Variants in IGSF5 observed in about 807,000 individuals in gnomAD.
The protein encoded by IGSF5 is immunoglobulin superfamily 5 like.
IGSF5 carries 41 observed loss-of-function variants against 39.4 expected under a neutral mutation model. The ratio of observed to expected loss-of-function variants is 1.04; its 90% CI spans 0.81 to 1.35. The LOEUF is 1.35. Among genes scored for constraint, IGSF5 ranks in the 40% most tolerant of loss-of-function variants. The probability of loss-of-function intolerance (pLI) is 0.00; values close to 1 mark genes in which losing one functional copy is unlikely to be tolerated. For missense variants in IGSF5, 487 were observed against 494.6 expected (o/e 0.98, Z 0.15); for synonymous variants, 183 against 175.3 (o/e 1.04, Z -0.34).
At chr21:39,758,253 T>C (rs1009087522) in intron 2 of IGSF5, among the ~76,000 whole-genome samples, 3 of 152,132 alleles carry the variant, frequency 2.0e-5, no homozygotes, top group African/African-American at 7.2e-5. Context: ...CTCTTCCCAC[T>C]GCATCCCTTC....
chr21:39,726,444 C>A, the IGSF5 span, among the ~76,000 whole-genome samples: 1 of 152,094 alleles, frequency 6.6e-6, no homozygotes, highest in South Asian at 2.1e-4. Context: ...ATGTCGGGGT[C>A]CACCAGGGCC....
intron 2 of IGSF5, among the ~76,000 whole-genome samples, chr21:39,762,471 G>C (rs980587441): frequency 2.0e-5 from 3 of 152,178 alleles, no homozygotes; most frequent in Admixed American, 2.0e-4. Context: ...TCTGGGTTAA[G>C]ATAAGGGGTT....
chr21:39,736,587 G>A, the IGSF5 span, among the ~76,000 whole-genome samples: 1 of 152,186 alleles, frequency 6.6e-6, no homozygotes, highest in Non-Finnish European at 1.5e-5. Flanking sequence ...TTTCCAAAGA[G>A]TGGTAAATAG....
Position 39,801,274 on chromosome 21 carries a change from C to T in IGSF5, c.1141C>T (p.Arg381Cys), listed in dbSNP as rs750197200. The T allele has an allele frequency of 4.3e-6, 7 of 1,613,798 alleles. No homozygotes were observed. Among genetic ancestry groups the T allele is most frequent in the African/African-American group, 4.0e-5 (3 of 74,912 alleles). Residue 381 changes from arginine to cysteine, a missense_variant, in exon 9 of 9, where the codon CGT becomes TGT. Arg to Cys is a radical substitution (Grantham distance 180). Transcript: ENST00000380588. ...CCTCTGTTGCCAGCGGGCTGATCAA[C>T]GTCCACCCAGGCCAGCAAGTCATCC... Reference protein sequence around the residue: ...CGPPHQRADQRPPRPASHPQA... With the variant: ...CGPPHQRADQCPPRPASHPQA...
the IGSF5 span, among the ~76,000 whole-genome samples, chr21:39,718,006 C>G: frequency 6.6e-6 from 1 of 151,998 alleles, no homozygotes; most frequent in Non-Finnish European, 1.5e-5. Context: ...TGTGTCTGTT[C>G]TGATTTCTTT....
At chr21:39,754,681 A>C (rs189785659) in intron 2 of IGSF5, among the ~76,000 whole-genome samples, 1 of 152,152 alleles carries the variant, frequency 6.6e-6, no homozygotes, top group Non-Finnish European at 1.5e-5. Context: ...AAGATTTTTC[A>C]ACTAAGTGTA....
chr21:39,764,365 G>A (rs2080075609), intron 2 of IGSF5, among the ~76,000 whole-genome samples: 1 of 152,090 alleles, frequency 6.6e-6, no homozygotes, highest in Admixed American at 6.5e-5. Flanking sequence ...TTTTTAGACA[G>A]AGTCTTGCTC....
chr21:39,761,931 G>T (rs1382775749), intron 2 of IGSF5, among the ~76,000 whole-genome samples: 1 of 152,154 alleles, frequency 6.6e-6, no homozygotes, highest in African/African-American at 2.4e-5. Flanking sequence ...ACCTCCCAAA[G>T]TGCTAAGATT....
chr21:39,757,964 C>T (rs533017092), intron 2 of IGSF5, among the ~76,000 whole-genome samples: 48 of 151,970 alleles, frequency 3.2e-4, no homozygotes, highest in Admixed American at 9.8e-4. Context: ...ACACCAGCTG[C>T]GGGGGGTGGA....
At chr21:39,793,169 C>A (rs992601832) in intron 7 of IGSF5, among the ~76,000 whole-genome samples, 5 of 152,120 alleles carry the variant, frequency 3.3e-5, no homozygotes, top group Non-Finnish European at 7.4e-5. Context: ...GTATTTTGAG[C>A]AATTGACTAT....
the IGSF5 span, among the ~76,000 whole-genome samples, chr21:39,724,838 AG>A: frequency 6.6e-6 from 1 of 152,210 alleles, no homozygotes; most frequent in Non-Finnish European, 1.5e-5. Context: ...CAGAGGAGAA[AG>A]ATGAAAGGAG....
chr21:39,744,154 C>T (rs558505772), upstream of IGSF5, among the ~76,000 whole-genome samples: 7 of 152,118 alleles, frequency 4.6e-5, no homozygotes, highest in South Asian at 6.2e-4. Context: ...CCTGTTTTCC[C>T]GCCTTTCTTG....
intron 6 of IGSF5, among the ~76,000 whole-genome samples, chr21:39,788,476 C>A (rs949326696): frequency 6.6e-6 from 1 of 152,220 alleles, no homozygotes; most frequent in Non-Finnish European, 1.5e-5. Context: ...GCAGCTCTTT[C>A]CACAAGAGGA....
At position 39,771,247 on chromosome 21, in the gene IGSF5, G is replaced by A. The variant is rs375871423; in HGVS notation, c.718+32G>A. ...GAAGACATTCTGCTTTATATGAAAT[G>A]AATGATTATTTCATGCTTCAATATT... On this transcript the variant is annotated intron_variant, in intron 4 of 8. Transcript: ENST00000380588. The A allele has an allele frequency of 4.0e-5, 59 of 1,464,876 alleles. No individual in the cohort carries two copies. The South Asian group carries it at 7.7e-4, about 19-fold the overall frequency. 90.7% of individuals were successfully genotyped at this position (1,464,876 alleles called of 1,614,324 possible).
chr21:39,801,641 C>A lies in IGSF5; in HGVS notation c.*284C>A. ...TCATAATTTTTCTCAACATTCAACA[C>A]TCCTACTTGTTAATCCAACAAATGG... On this transcript the variant is annotated 3_prime_UTR_variant, in exon 9 of 9. Coordinates refer to ENST00000380588, the MANE Select transcript of IGSF5 (RefSeq NM_001080444.2). 1 of 287,542 alleles carries A rather than the reference C, an allele frequency of 3.5e-6. No individual in the cohort carries two copies. Among genetic ancestry groups the A allele is most frequent in the Middle Eastern group, 1.0e-3 (1 of 972 alleles). The allele number at this position is 287,542 out of a possible 1,614,324, so 17.8% of individuals were successfully genotyped here.
intron 8 of IGSF5, among the ~76,000 whole-genome samples, chr21:39,800,471 G>A (rs2087022498): frequency 6.6e-6 from 1 of 152,220 alleles, no homozygotes; most frequent in Admixed American, 6.5e-5. Flanking sequence ...ATTAGCAGCA[G>A]AAGGCACATG....
chr21:39,737,567 A>T, the IGSF5 span, among the ~76,000 whole-genome samples: 3 of 152,274 alleles, frequency 2.0e-5, 1 homozygote, highest in Middle Eastern at 3.4e-3. Flanking sequence ...TCTCAGGAAA[A>T]CACTTGTTTA....
At chr21:39,725,105 T>A in the IGSF5 span, among the ~76,000 whole-genome samples, 1 of 152,222 alleles carries the variant, frequency 6.6e-6, no homozygotes, top group African/African-American at 2.4e-5. Flanking sequence ...TGTGCCTGAT[T>A]TATCCATTGT....
intron 3 of IGSF5, 74 bp from the exon 4 acceptor site, chr21:39,770,830 TAAAAAAAAAAAG>T (rs565103020): frequency 1.8e-5 from 15 of 833,140 alleles, no homozygotes; most frequent in African/African-American, 1.7e-4. Context: ...AAGCAAAACT[TAAAAAAAAAAAG>T]AAAAAAAAAA....
Sources: allele counts gnomAD v4.1 joint callset (sites outside exome capture counted in the v4.1 genomes callset), GRCh38; gene constraint gnomAD v4.1.1; transcripts MANE v1.5; gene names NCBI Gene and HGNC (gene_info 2026-07-23, HGNC 2026-07-21).